MATR3: variants seen among roughly 807,000 people sequenced by gnomAD.
The protein encoded by MATR3 is matrin-3.
A neutral mutation model predicts 85.5 loss-of-function variants in MATR3; 4 were observed. The ratio of observed to expected loss-of-function variants is 0.05; its 90% CI spans 0.02 to 0.11. The LOEUF (loss-of-function observed/expected upper bound fraction) is 0.11. MATR3 is among the 10% of genes least tolerant of loss of function. MATR3 has a pLI of 1.00. For synonymous variants in MATR3, 336 were observed against 343.1 expected, an observed-to-expected ratio of 0.98 and a Z score of 0.23; for missense variants, 685 against 1,016.1, an observed-to-expected ratio of 0.67 and a Z score of 4.43.
chr5:139,329,321 G>C, intron 14 of MATR3, 24 bp from the exon 15 acceptor site: 1 of 1,562,648 alleles, frequency 6.4e-7, no homozygotes, highest in Non-Finnish European at 8.8e-7. Context: ...GTGACTTAAT[G>C]GCTGTAATTC....
intron 13 of MATR3, 56 bp downstream of exon 13, chr5:139,325,718 A>G: frequency 2.0e-6 from 3 of 1,471,732 alleles, no homozygotes; most frequent in Non-Finnish European, 1.9e-6. Context: ...ACAAACTCTT[A>G]GGTTTTAAAA....
rs1755184842 is a variant in MATR3 at position 139,315,266 on chromosome 5, A to C, written c.975-431A>C. 2.4e-5 allele frequency: 5 copies of C among 207,642 alleles called. No individual in the cohort carries two copies. The South Asian group carries it at 3.8e-4, about 16-fold the overall frequency. The allele number at this position is 207,642 out of a possible 1,614,324, so 12.9% of individuals were successfully genotyped here. The stretch of plus-strand genomic sequence containing the variant: ...GCACACAGTGCCCATTGTTCACTGG[A>C]GTTGGAATTTTCACATATGCCTAAC... On this transcript the variant is annotated intron_variant, in intron 3 of 14. Coordinates refer to ENST00000394805, the MANE Select transcript of MATR3 (RefSeq NM_018834.6).
chr5:139,305,705 C>T (rs1490900451), intron 1 of MATR3, among the ~76,000 whole-genome samples: 26 of 152,066 alleles, frequency 1.7e-4, no homozygotes, highest in Non-Finnish European at 3.8e-4. Context: ...TGGATCTTGT[C>T]TAGAACTATT....
chr5:139,316,465 C>T lies in MATR3; in HGVS notation c.1129+277C>T, dbSNP rs190686728. 3.9e-3 allele frequency among the ~76,000 whole-genome samples: 591 copies of T among 152,036 alleles called. 1 individual carries two copies. The highest frequency in any genetic ancestry group is 6.4e-3 in the Non-Finnish European group (437 of 67,986). On this transcript the variant is annotated intron_variant, in intron 5 of 14. Transcript: ENST00000394805. ...TTCACCGCGTTGGCCAGACTAGTCT[C>T]GAACTCTTGGCCTCAGGTGGACTAC...
At chr5:139,319,065 G>A (rs762400278) in intron 8 of MATR3, 32 bp downstream of exon 8, 3 of 1,578,580 alleles carry the variant, frequency 1.9e-6, no homozygotes, top group Admixed American at 1.7e-5. Flanking sequence ...CTGTATATCA[G>A]TTTAACAAAT....
At chr5:139,319,725 C>G (rs903162598) in intron 9 of MATR3, among the ~76,000 whole-genome samples, 12 of 151,784 alleles carry the variant, frequency 7.9e-5, no homozygotes, top group Non-Finnish European at 1.6e-4. Context: ...TGCCTGTAAT[C>G]CCAGCTACTT....
chr5:139,330,536 C>T lies in MATR3; in HGVS notation c.*1141C>T, dbSNP rs1238927339. 1 of 454,078 alleles carries T rather than the reference C, an allele frequency of 2.2e-6. No individual in the cohort carries two copies. The highest frequency in any genetic ancestry group is 1.6e-5 in the South Asian group (1 of 64,480). 28.1% of individuals were successfully genotyped at this position (454,078 alleles called of 1,614,324 possible). A position where few individuals can be genotyped will look rare whatever the true frequency, so the allele number is the denominator to read the frequency against. Reference sequence around the variant, plus strand: ...AATCTAGAGTGAATTCTAAAGACTGCCGCTAAAGATCTGAGTTTTAAAAAT... The same window carrying T: ...AATCTAGAGTGAATTCTAAAGACTGTCGCTAAAGATCTGAGTTTTAAAAAT... On this transcript the variant is annotated 3_prime_UTR_variant, in exon 15 of 15. Coordinates refer to ENST00000394805, the MANE Select transcript of MATR3 (RefSeq NM_018834.6).
Position 139,275,187 on chromosome 5 carries a change from C to T in MATR3, c.-286-934C>T, listed in dbSNP as rs992627519. ...TTTTTTTTTGTATTTTTAGTAGAGA[C>T]GGGGTTTCACCGTGTTAGCCAGTAT... On this transcript the variant is annotated intron_variant, in intron 1 of 16. Coordinates refer to ENST00000509990, the Ensembl canonical transcript of MATR3. 3.8e-5 allele frequency among the ~76,000 whole-genome samples: 4 copies of T among 105,064 alleles called. No individual in the cohort carries two copies. In the Admixed American group the frequency reaches 5.4e-4, roughly 14 times the overall value. The allele number at this position is 105,064 out of a possible 152,430, so 68.9% of individuals were successfully genotyped here.
chr5:139,285,055 C>T (rs973698733), intron 3 of MATR3, among the ~76,000 whole-genome samples: 8 of 152,132 alleles, frequency 5.3e-5, no homozygotes, highest in African/African-American at 1.7e-4. Context: ...CACAGTCACA[C>T]GAGAACTTGT....
At chr5:139,311,346 T>C (rs911711248) in intron 2 of MATR3, 1 of 152,232 alleles carries the variant, frequency 6.6e-6, no homozygotes, top group Admixed American at 6.5e-5. Flanking sequence ...TTTATTAATC[T>C]GATTTTACAG....
At chr5:139,285,717 A>T (rs1753680546) in intron 3 of MATR3, among the ~76,000 whole-genome samples, 1 of 152,226 alleles carries the variant, frequency 6.6e-6, no homozygotes, top group African/African-American at 2.4e-5. Flanking sequence ...GACATGAACA[A>T]TATGAAGTTC....
chr5:139,314,722 G>C lies in MATR3; in HGVS notation c.960G>C (p.Gln320His), dbSNP rs773617455. The C allele has an allele frequency of 6.2e-7, 1 of 1,613,708 alleles. No homozygotes were observed. ...GAGCAAGTCACAGTCGTCGATGCCA[G>C]CTTCTTCTTGAAATGTAGGAGTTTG... is the stretch of plus-strand genomic sequence containing the variant. ...INGASHSRRC[Q>H]LLLEIYPEWN... Residue 320 changes from glutamine to histidine, a missense_variant, in exon 3 of 15, where the codon CAG (glutamine) becomes CAC (histidine). By Grantham distance (24) the Gln-to-His change is conservative. This residue lies in a region of MATR3 where 223 missense variants were observed against 334.4 expected (regional missense o/e 0.67). Coordinates refer to ENST00000394805, the MANE Select transcript of MATR3 (RefSeq NM_018834.6).
At chr5:139,319,948 CT>C (rs201546262) in intron 9 of MATR3, among the ~76,000 whole-genome samples, 796 of 43,578 alleles carry the variant, frequency 0.018, 3 homozygotes, top group Middle Eastern at 0.071. Context: ...CTTTTCTTTT[CT>C]TTTTTTTTTT....
rs530975907 is a variant in MATR3, at chr5:139,278,449, G to C, written c.-256-602G>C. 1.5e-3 allele frequency: 647 copies of C among 437,936 alleles called. 2 individuals are homozygous for C. Among genetic ancestry groups the C allele is most frequent in the Non-Finnish European group, 1.7e-3 (357 of 214,324 alleles). 27.1% of individuals were successfully genotyped at this position (437,936 alleles called of 1,614,324 possible). On this transcript the variant is annotated intron_variant, in intron 2 of 16. Transcript: ENST00000509990. ...CATTCCAACATTGACTACCTCCTCT[G>C]TGCCAGGCCTGTGGGCTAGTTGGTA...
In MATR3 at chr5:139,329,793, C is replaced by G. The variant is rs528383186; in HGVS notation, c.*398C>G. ...AAACCAATAGTGTTTTTATTACTTTCATCTGAAACATTCCATGTTTTAATC... is the reference window on the plus strand; with the variant it reads ...AAACCAATAGTGTTTTTATTACTTTGATCTGAAACATTCCATGTTTTAATC... On this transcript the variant is annotated 3_prime_UTR_variant, in exon 15 of 15. Coordinates refer to ENST00000394805, the MANE Select transcript of MATR3 (RefSeq NM_018834.6). The G allele has an allele frequency of 1.4e-4, 62 of 454,686 alleles. No homozygotes were observed. The highest frequency in any genetic ancestry group is 2.2e-4 in the Non-Finnish European group (49 of 226,904). 28.2% of individuals were successfully genotyped at this position (454,686 alleles called of 1,614,324 possible). A position where few individuals can be genotyped will look rare whatever the true frequency, so the allele number is the denominator to read the frequency against.
chr5:139,331,397 T>C lies in MATR3; in HGVS notation c.*2002T>C, dbSNP rs1212126546. 1 of 454,152 alleles carries C rather than the reference T, an allele frequency of 2.2e-6. No individual in the cohort carries two copies. The highest frequency in any genetic ancestry group is 6.9e-4 in the Middle Eastern group (1 of 1,444). 28.1% of individuals were successfully genotyped at this position (454,152 alleles called of 1,614,324 possible). On this transcript the variant is annotated 3_prime_UTR_variant, in exon 15 of 15. Transcript: ENST00000394805. ...TCAGTGTTTCCTTTCAGTGATGGCT[T>C]TTTCATAGCTTCAACTTTGTTGGAT...
At chr5:139,318,765 T>G in intron 7 of MATR3, 143 bp from the exon 8 acceptor site, 1 of 811,680 alleles carries the variant, frequency 1.2e-6, no homozygotes, top group Non-Finnish European at 2.0e-6. Context: ...TGTATTTTGA[T>G]TCTTGAAAGT....
intron 12 of MATR3, among the ~76,000 whole-genome samples, chr5:139,323,695 G>A (rs953910423): frequency 1.3e-5 from 2 of 152,110 alleles, no homozygotes; most frequent in Admixed American, 6.6e-5. Context: ...TTGAGGCCAG[G>A]AGTTCAAGAC....
chr5:139,318,156 C>T (rs1019958672), intron 7 of MATR3, among the ~76,000 whole-genome samples: 6 of 152,188 alleles, frequency 3.9e-5, no homozygotes, highest in South Asian at 4.1e-4. Flanking sequence ...TTTTGGGAGT[C>T]GGAGTCTCGC....
Sources: gnomAD v4.1 joint callset for allele counts (sites outside exome capture counted in the v4.1 genomes callset) on GRCh38, gnomAD v4.1.1 for gene constraint, gnomAD v4.1.1 regional missense constraint, MANE v1.5 for transcripts, NCBI Gene and HGNC (gene_info 2026-07-23, HGNC 2026-07-21) for gene names.